The following NRG3 variants were observed in gnomAD, a reference collection of about 807,000 sequenced individuals.
NRG3 encodes the protein neuregulin 3.
A neutral mutation model predicts 66.9 loss-of-function variants in NRG3; 31 were observed. The observed-to-expected ratio is 0.46, with a 90% CI of 0.35 to 0.63. The LOEUF is 0.63. Among genes scored for constraint, NRG3 ranks in the 20% least tolerant of loss-of-function variants. The probability of loss-of-function intolerance (pLI) is 0.00; values close to 1 mark genes in which losing one functional copy is unlikely to be tolerated. For synonymous variants in NRG3, 393 were observed against 359.4 expected, an observed-to-expected ratio of 1.09 and a Z score of -1.06; for missense variants, 910 against 878.9, an observed-to-expected ratio of 1.04 and a Z score of -0.45.
chr10:82,740,823 C>CAAA (rs56944502), intron 3 of NRG3, among the ~76,000 whole-genome samples: 1 of 118,326 alleles, frequency 8.5e-6, no homozygotes, highest in Non-Finnish European at 1.8e-5. Flanking sequence ...GACTCTGTCT[C>CAAA]AAAAAAAAAA....
chr10:82,017,336 CATT>C (rs1564740826), intron 1 of NRG3, among the ~76,000 whole-genome samples: 1 of 152,180 alleles, frequency 6.6e-6, no homozygotes, highest in African/African-American at 2.4e-5. Flanking sequence ...TCCAGTCTAT[CATT>C]GTTGGACATT....
chr10:82,305,153 C>G (rs1224741679), intron 1 of NRG3, among the ~76,000 whole-genome samples: 3 of 151,696 alleles, frequency 2.0e-5, no homozygotes, highest in African/African-American at 7.3e-5. Context: ...CACCACCACG[C>G]TCGGCTAATT....
At chr10:81,941,524 G>A (rs1175109560) in intron 1 of NRG3, among the ~76,000 whole-genome samples, 1 of 152,090 alleles carries the variant, frequency 6.6e-6, no homozygotes, top group East Asian at 1.9e-4. Context: ...TCACAGTGGA[G>A]GAATGGAATA....
chr10:82,657,926 A>G (rs2052007366), intron 2 of NRG3, among the ~76,000 whole-genome samples: 1 of 151,652 alleles, frequency 6.6e-6, no homozygotes, highest in Non-Finnish European at 1.5e-5. Flanking sequence ...AATCCCTCTA[A>G]GCTCACATGG....
At position 81,875,286 on chromosome 10, in the gene NRG3, C is replaced by A; in HGVS notation, c.-55C>A. The A allele has an allele frequency of 1.0e-6, 1 of 978,052 alleles. No individual in the cohort carries two copies. Among genetic ancestry groups the A allele is most frequent in the African/African-American group, 1.8e-5 (1 of 56,678 alleles). The allele number at this position is 978,052 out of a possible 1,614,324, so 60.6% of individuals were successfully genotyped here. Reference sequence around the variant, plus strand: ...CCGCGCCCGCGCCCGGCCCGCGCGGCCCCATGCCTCTGCCGCGGCCCTCGG... The same window carrying A: ...CCGCGCCCGCGCCCGGCCCGCGCGGACCCATGCCTCTGCCGCGGCCCTCGG... On this transcript the variant is annotated 5_prime_UTR_variant, in exon 1 of 9. Transcript: ENST00000372141. The surrounding 1 kb of genome is among the most constrained non-coding windows in gnomAD (Gnocchi z 5.3).
chr10:82,666,961 A>G (rs1033822448), intron 2 of NRG3, among the ~76,000 whole-genome samples: 9 of 152,214 alleles, frequency 5.9e-5, no homozygotes, highest in Non-Finnish European at 1.3e-4. Context: ...AGAAACTTTA[A>G]TGCAACAGTG....
chr10:82,213,360 TAGTCAAAACAC>T (rs1461757315), intron 1 of NRG3, among the ~76,000 whole-genome samples: 1 of 152,222 alleles, frequency 6.6e-6, no homozygotes, highest in African/African-American at 2.4e-5. Flanking sequence ...TCTGACCTCA[TAGTCAAAACAC>T]AGTCAAAACT....
chr10:82,085,061 A>G (rs909780355), intron 1 of NRG3, among the ~76,000 whole-genome samples: 4 of 152,166 alleles, frequency 2.6e-5, no homozygotes, highest in Non-Finnish European at 4.4e-5. Context: ...ACCATCGTCA[A>G]TGGAAGAGAA....
intron 1 of NRG3, among the ~76,000 whole-genome samples, chr10:81,970,598 C>T (rs1207364741): frequency 2.0e-5 from 3 of 151,764 alleles, no homozygotes; most frequent in African/African-American, 4.8e-5. Flanking sequence ...GTGAACCCAC[C>T]ATATGTTGAA....
At chr10:82,377,158 G>A (rs139322183) in intron 2 of NRG3, among the ~76,000 whole-genome samples, 244 of 152,060 alleles carry the variant, frequency 1.6e-3, no homozygotes, top group African/African-American at 5.5e-3. Flanking sequence ...TTCTTTAATA[G>A]TGAATGCTTT....
At chr10:82,621,972 C>G (rs2049068282) in intron 2 of NRG3, among the ~76,000 whole-genome samples, 2 of 152,176 alleles carry the variant, frequency 1.3e-5, no homozygotes, top group South Asian at 4.1e-4. Flanking sequence ...CATGTCACCA[C>G]AGGATATGCA....
chr10:82,946,704 A>C (rs1322423585), intron 4 of NRG3, among the ~76,000 whole-genome samples: 4 of 152,212 alleles, frequency 2.6e-5, no homozygotes, highest in Non-Finnish European at 4.4e-5. Context: ...ATTATAAGTC[A>C]AATAGGAACC....
intron 3 of NRG3, among the ~76,000 whole-genome samples, chr10:82,783,129 A>C (rs1320621469): frequency 6.6e-6 from 1 of 152,238 alleles, no homozygotes; most frequent in Non-Finnish European, 1.5e-5. Flanking sequence ...CAATAGATAC[A>C]GAAAAGGCCT....
At chr10:82,550,721 GT>G (rs1222967211) in intron 2 of NRG3, among the ~76,000 whole-genome samples, 5 of 152,150 alleles carry the variant, frequency 3.3e-5, no homozygotes, top group Non-Finnish European at 7.3e-5. Context: ...GTTAGACCAT[GT>G]AAAACCTATG....
intron 3 of NRG3, among the ~76,000 whole-genome samples, chr10:82,806,599 T>A (rs1173601278): frequency 6.6e-6 from 1 of 152,200 alleles, no homozygotes; most frequent in African/African-American, 2.4e-5. Flanking sequence ...GAAAAGGCAT[T>A]GATTTGAGGA....
intron 4 of NRG3, among the ~76,000 whole-genome samples, chr10:82,876,014 A>G (rs1841788445): frequency 6.6e-6 from 1 of 152,250 alleles, no homozygotes; most frequent in Non-Finnish European, 1.5e-5. Flanking sequence ...AGAAGTATGC[A>G]GATCTATTAA....
At chr10:82,009,460 A>C (rs1293312131) in intron 1 of NRG3, among the ~76,000 whole-genome samples, 2 of 152,190 alleles carry the variant, frequency 1.3e-5, no homozygotes, top group Non-Finnish European at 2.9e-5. Flanking sequence ...GTCTGTGAAC[A>C]GAAGTCTAGG....
At chr10:82,099,067 G>GC (rs2066557190) in intron 1 of NRG3, among the ~76,000 whole-genome samples, 1 of 152,088 alleles carries the variant, frequency 6.6e-6, no homozygotes, top group Non-Finnish European at 1.5e-5. Flanking sequence ...ACCTGGCCTA[G>GC]GTAGCATCTT....
intron 1 of NRG3, among the ~76,000 whole-genome samples, chr10:82,243,380 G>A (rs536291491): frequency 6.6e-4 from 100 of 151,868 alleles, no homozygotes; most frequent in Middle Eastern, 3.4e-3. Flanking sequence ...CATAATCAAA[G>A]AAATAATAAA....
Sources: allele counts gnomAD v4.1 joint callset (sites outside exome capture counted in the v4.1 genomes callset), GRCh38; gene constraint gnomAD v4.1.1; non-coding constraint Gnocchi (gnomAD v3.1); transcripts MANE v1.5; gene names NCBI Gene and HGNC (gene_info 2026-07-23, HGNC 2026-07-21).